RALGPS2: variants seen among roughly 807,000 people sequenced by gnomAD.
The protein encoded by RALGPS2 is Ral GEF with PH domain and SH3 binding motif 2.
RALGPS2 carries 43 observed loss-of-function variants against 86.8 expected under a neutral mutation model. That is an observed-to-expected ratio of 0.50 (90% CI 0.39 to 0.64). The LOEUF (loss-of-function observed/expected upper bound fraction) is 0.64. Among genes scored for constraint, RALGPS2 ranks in the 30% least tolerant of loss-of-function variants. The pLI is 0.00. For synonymous variants in RALGPS2, 243 were observed against 231.3 expected (o/e 1.05, Z -0.46); for missense variants, 536 against 694.6 (o/e 0.77, Z 2.57).
At chr1:178,867,408 T>G (rs566850313) in intron 8 of RALGPS2, among the ~76,000 whole-genome samples, 1 of 152,210 alleles carries the variant, frequency 6.6e-6, no homozygotes, top group East Asian at 1.9e-4. Flanking sequence ...TCCCCTGTAT[T>G]TATGTAGCTT....
rs57628726 is a variant in RALGPS2, at chr1:178,731,272, G to GTTTTTTTTTT, written c.-84+5873_-84+5882dup. Among the ~76,000 whole-genome samples the GTTTTTTTTTT allele has an allele frequency of 1.6e-3, 93 of 57,966 alleles. 18 individuals are homozygous for GTTTTTTTTTT. Among genetic ancestry groups the GTTTTTTTTTT allele is most frequent in the African/African-American group, 3.3e-3 (49 of 15,032 alleles). The allele number at this position is 57,966 out of a possible 152,430, so 38.0% of individuals were successfully genotyped here. A position where few individuals can be genotyped will look rare whatever the true frequency, so the allele number is the denominator to read the frequency against. On this transcript the variant is annotated intron_variant, in intron 1 of 19. Coordinates refer to ENST00000367635, the MANE Select transcript of RALGPS2 (RefSeq NM_152663.5). ...TGATTATACTTTTCTAGTTGTTTTG[G>GTTTTTTTTTT]TTTTTTTTTTTTTTTTTTTTTTTTT...
At chr1:178,846,853 T>C (rs1485058884) in intron 8 of RALGPS2, among the ~76,000 whole-genome samples, 2 of 152,356 alleles carry the variant, frequency 1.3e-5, no homozygotes, top group African/African-American at 4.8e-5. Context: ...TTCAGTAACA[T>C]TTATTCAACA....
chr1:178,906,954 G>T, intron 19 of RALGPS2, 87 bp downstream of exon 19: 1 of 1,135,674 alleles, frequency 8.8e-7, no homozygotes. Flanking sequence ...GACTAGTTCT[G>T]AATTAACTAG....
intron 1 of RALGPS2, chr1:178,747,132 CT>C: frequency 1.0e-6 from 1 of 975,024 alleles, no homozygotes; most frequent in Non-Finnish European, 1.7e-6. Context: ...ATATCATCTC[CT>C]TTTTCCATCA....
chr1:178,901,477 A>G (rs1660171720), intron 17 of RALGPS2, among the ~76,000 whole-genome samples: 1 of 152,096 alleles, frequency 6.6e-6, no homozygotes, highest in African/African-American at 2.4e-5. Flanking sequence ...TTCTTCTTTT[A>G]TAACTGCCCT....
intron 8 of RALGPS2, among the ~76,000 whole-genome samples, chr1:178,856,194 GAGAGAGAGATATATATATATAT>G (rs1319320678): frequency 5.5e-4 from 55 of 99,198 alleles, no homozygotes; most frequent in African/African-American, 2.9e-3. Context: ...CTTTTCCAGA[GAGAGAGAGATATATATATATAT>G]ATATATATAT....
chr1:178,880,127 C>T (rs564895367), intron 10 of RALGPS2, among the ~76,000 whole-genome samples: 1 of 151,990 alleles, frequency 6.6e-6, no homozygotes. Context: ...AATAAAAGGT[C>T]GTGTTTCAAA....
intron 8 of RALGPS2, among the ~76,000 whole-genome samples, chr1:178,846,657 G>A (rs1656880389): frequency 6.6e-6 from 1 of 152,136 alleles, no homozygotes; most frequent in South Asian, 2.1e-4. Context: ...CATGTTCATA[G>A]TGTTTTCTTT....
chr1:178,885,908 A>ATAT lies in RALGPS2; in HGVS notation c.1041-61_1041-60insTAT, dbSNP rs1659460290. 3 of 1,362,568 alleles carry ATAT rather than the reference A, an allele frequency of 2.2e-6. No homozygotes were observed. The Admixed American group carries it at 7.2e-5, about 33-fold the overall frequency. 84.4% of individuals were successfully genotyped at this position (1,362,568 alleles called of 1,614,324 possible). A position where few individuals can be genotyped will look rare whatever the true frequency, so the allele number is the denominator to read the frequency against. The stretch of plus-strand genomic sequence containing the variant: ...CTTTTATGTCCTAAATCTTTATATA[A>ATAT]AGAGCAGTTTTTAAATTAGTAACAA... On this transcript the variant is annotated intron_variant, in intron 12 of 19. Transcript: ENST00000367635.
chr1:178,826,927 G>C (rs562841509), intron 7 of RALGPS2, among the ~76,000 whole-genome samples: 1 of 152,270 alleles, frequency 6.6e-6, no homozygotes, highest in South Asian at 2.1e-4. Context: ...AATAGCCCAT[G>C]TTCATGGATA....
chr1:178,756,980 T>C (rs1651990212), intron 1 of RALGPS2, among the ~76,000 whole-genome samples: 1 of 152,190 alleles, frequency 6.6e-6, no homozygotes, highest in Non-Finnish European at 1.5e-5. Context: ...AGCAGTGTTT[T>C]GTAGTTTTTG....
chr1:178,770,975 A>T (rs1297428141), intron 1 of RALGPS2, among the ~76,000 whole-genome samples: 2 of 150,278 alleles, frequency 1.3e-5, no homozygotes, highest in Non-Finnish European at 2.9e-5. Flanking sequence ...AGTCGCTGGG[A>T]TTACAGGCGC....
At chr1:178,757,998 TTTCTAA>T in intron 1 of RALGPS2, among the ~76,000 whole-genome samples, 1 of 152,344 alleles carries the variant, frequency 6.6e-6, no homozygotes, top group East Asian at 1.9e-4. Context: ...TTTCAGTTTC[TTTCTAA>T]TTCAATCTTG....
chr1:178,751,264 A>G (rs907702525), intron 1 of RALGPS2, among the ~76,000 whole-genome samples: 2 of 152,072 alleles, frequency 1.3e-5, no homozygotes. Flanking sequence ...TGCCCTTACC[A>G]TAAATTTCCC....
At chr1:178,839,618 A>C (rs1027413092) in intron 8 of RALGPS2, among the ~76,000 whole-genome samples, 3 of 152,266 alleles carry the variant, frequency 2.0e-5, no homozygotes, top group South Asian at 2.1e-4. Context: ...TGAGCAAAAT[A>C]ACCAGCGAAC....
In RALGPS2 at chr1:178,917,947, A is replaced by G. The variant is rs932391167; in HGVS notation, c.*1588A>G. On this transcript the variant is annotated 3_prime_UTR_variant, in exon 20 of 20. Transcript: ENST00000367635. ...TTAGAGAATTTTATACTTTTTTATT[A>G]TAAGTATTTTGCCCTTGAGTCCATG... 9 of 152,186 alleles carry G rather than the reference A, an allele frequency of 5.9e-5. No homozygotes were observed. The highest frequency in any genetic ancestry group is 1.3e-4 in the Admixed American group (2 of 15,276). 9.4% of individuals were successfully genotyped at this position (152,186 alleles called of 1,614,324 possible).
intron 1 of RALGPS2, among the ~76,000 whole-genome samples, chr1:178,751,375 C>T (rs1651648684): frequency 6.6e-6 from 1 of 151,998 alleles, no homozygotes. Context: ...GAAGTAAATA[C>T]GAAGGAATTC....
chr1:178,857,696 TATC>T (rs1199175457), intron 8 of RALGPS2, among the ~76,000 whole-genome samples: 6 of 152,212 alleles, frequency 3.9e-5, no homozygotes, highest in African/African-American at 1.4e-4. Context: ...ATTCTATGAA[TATC>T]ATTTTCGTAA....
At chr1:178,914,960 A>G (rs1660754923) in intron 19 of RALGPS2, among the ~76,000 whole-genome samples, 1 of 151,998 alleles carries the variant, frequency 6.6e-6, no homozygotes, top group Non-Finnish European at 1.5e-5. Flanking sequence ...TTTTTTTTCA[A>G]TCTCAGATTC....
Sources: gnomAD v4.1 joint callset for allele counts (sites outside exome capture counted in the v4.1 genomes callset) on GRCh38, gnomAD v4.1.1 for gene constraint, MANE v1.5 for transcripts, NCBI Gene and HGNC (gene_info 2026-07-23, HGNC 2026-07-21) for gene names.